Variants in TRAK1 observed in about 807,000 individuals in gnomAD.
TRAK1 encodes trafficking kinesin-binding protein 1.
Under a neutral mutation model 92.1 loss-of-function variants are expected in TRAK1, and 33 were observed. That is an observed-to-expected ratio of 0.36 (90% CI 0.27 to 0.48). The LOEUF is 0.48. TRAK1 is among the 20% of genes least tolerant of loss of function. The pLI is 0.99. For synonymous variants in TRAK1, 521 were observed against 517.3 expected (o/e 1.01, Z -0.10); for missense variants, 1,123 against 1,257.9 (o/e 0.89, Z 1.62).
chr3:42,080,886 T>C (rs576682758), intron 1 of TRAK1, among the ~76,000 whole-genome samples: 1 of 152,290 alleles, frequency 6.6e-6, no homozygotes, highest in Admixed American at 6.5e-5. Flanking sequence ...AACTACTCTT[T>C]TTTTTTGAGA....
intron 1 of TRAK1, among the ~76,000 whole-genome samples, chr3:42,093,633 C>G (rs1001066738): frequency 7.9e-6 from 1 of 127,148 alleles, no homozygotes; most frequent in Non-Finnish European, 1.7e-5. Context: ...CCTCTCTTCT[C>G]TCTTCTCTTT....
At chr3:42,147,187 A>G (rs534845081) in intron 2 of TRAK1, among the ~76,000 whole-genome samples, 132 of 152,320 alleles carry the variant, frequency 8.7e-4, no homozygotes, top group Middle Eastern at 6.8e-3. Context: ...AGGGGCAGTT[A>G]TAAGAAAGGA....
intron 1 of TRAK1, among the ~76,000 whole-genome samples, chr3:42,024,952 C>G (rs1480789169): frequency 6.6e-6 from 1 of 152,186 alleles, no homozygotes; most frequent in Admixed American, 6.5e-5. Context: ...ACGTGAGTCT[C>G]CTCTTGTCAC....
intron 3 of TRAK1, among the ~76,000 whole-genome samples, chr3:42,177,310 G>A (rs1307224291): frequency 6.6e-6 from 1 of 152,200 alleles, no homozygotes; most frequent in Non-Finnish European, 1.5e-5. Flanking sequence ...AGTAAAATAA[G>A]CATGGCAAGA....
At chr3:42,082,530 G>C (rs1704486668), upstream of TRAK1, among the ~76,000 whole-genome samples, 1 of 152,054 alleles carries the variant, frequency 6.6e-6, no homozygotes, top group African/African-American at 2.4e-5. Flanking sequence ...AGGAGGCCAA[G>C]GCTTCAGTGA....
Position 42,172,515 on chromosome 3 carries a change from C to G in TRAK1, c.287-4299C>G, listed in dbSNP as rs1702696210. Among the ~76,000 whole-genome samples the G allele has an allele frequency of 2.6e-5, 4 of 152,326 alleles. No individual in the cohort carries two copies. The South Asian group carries it at 8.3e-4, about 32-fold the overall frequency. On this transcript the variant is annotated intron_variant, in intron 2 of 15. Coordinates refer to ENST00000327628, the MANE Select transcript of TRAK1 (RefSeq NM_001042646.3). ...TCTAAATTGCCTTGCACCCCCTCCC[C>G]CATTGCTGCACACTGGAGCCAAAAT...
At chr3:42,168,028 A>G (rs1434738427) in intron 2 of TRAK1, among the ~76,000 whole-genome samples, 1 of 152,274 alleles carries the variant, frequency 6.6e-6, no homozygotes, top group East Asian at 1.9e-4. Flanking sequence ...GGAGGTGGCT[A>G]TAACTTGGGA....
intron 2 of TRAK1, among the ~76,000 whole-genome samples, chr3:42,163,845 C>T (rs1701562707): frequency 6.6e-6 from 1 of 152,224 alleles, no homozygotes; most frequent in Non-Finnish European, 1.5e-5. Flanking sequence ...AGTTTTCCCT[C>T]ATACTCCAAG....
chr3:42,193,795 G>C (rs1266678069), intron 8 of TRAK1, 29 bp from the exon 9 acceptor site: 2 of 1,241,784 alleles, frequency 1.6e-6, no homozygotes, highest in Non-Finnish European at 2.3e-6. Flanking sequence ...AAGTATCTTA[G>C]GAAGTGATCT....
At chr3:42,119,580 G>A (rs11706587) in intron 1 of TRAK1, among the ~76,000 whole-genome samples, 11,363 of 152,226 alleles carry the variant, frequency 0.075, 467 homozygotes, top group Middle Eastern at 0.15. Context: ...GGTCCAGGGT[G>A]TTTCAGGCAG....
At chr3:42,027,797 T>C (rs1701975791) in intron 1 of TRAK1, among the ~76,000 whole-genome samples, 1 of 152,170 alleles carries the variant, frequency 6.6e-6, no homozygotes, top group African/African-American at 2.4e-5. Context: ...TTCTCTAATT[T>C]TATCTGAAGG....
chr3:42,223,068 G>A lies in TRAK1; in HGVS notation c.2193G>A (p.Thr731=), dbSNP rs759135310. The A allele has an allele frequency of 2.5e-6, 4 of 1,613,858 alleles. No individual in the cohort carries two copies. The highest frequency in any genetic ancestry group is 3.3e-5 in the Admixed American group (2 of 60,000). The part of the protein sequence containing the change: ...AESFTNTRES[T]TTMSTSLGLV... ...CCTTCACTAACACCCGTGAGTCCAC[G>A]ACCACCATGAGCACATCCCTGGGGC... is the stretch of plus-strand genomic sequence containing the variant. The change falls in exon 16 of 16, where the codon ACG becomes ACA. Residue 731 remains threonine (T), a synonymous_variant. Transcript: ENST00000327628. The surrounding 1 kb of genome is among the most constrained non-coding windows in gnomAD (Gnocchi z 6.1).
intron 1 of TRAK1, among the ~76,000 whole-genome samples, chr3:42,112,743 A>C (rs1171218101): frequency 1.6e-5 from 2 of 125,914 alleles, no homozygotes; most frequent in African/African-American, 5.3e-5. Flanking sequence ...CTCAAAAAAA[A>C]AAAAAAAAAA....
chr3:42,199,036 G>A (rs1374624379), intron 10 of TRAK1, 141 bp from the exon 11 acceptor site: 19 of 798,696 alleles, frequency 2.4e-5, no homozygotes, highest in Non-Finnish European at 3.9e-5. Context: ...AGAGAGTGCT[G>A]TTAAGTTTGT....
intron 1 of TRAK1, among the ~76,000 whole-genome samples, chr3:42,081,599 G>T (rs577330205): frequency 1.4e-3 from 206 of 152,294 alleles, no homozygotes; most frequent in African/African-American, 4.7e-3. Flanking sequence ...CTGAGATAGA[G>T]AGGCATTCCC....
rs376836539 is a variant in TRAK1, at chr3:42,223,380, C to T, written c.2505C>T (p.Asp835=). The T allele has an allele frequency of 2.0e-5, 33 of 1,614,104 alleles. No homozygotes were observed. The highest frequency in any genetic ancestry group is 8.8e-5 in the South Asian group (8 of 91,094). ...TCCGCAGCAGCGAGAGCCAGACCGA[C>T]GTGTCCGTCTCCAACCTCAACCTCG... is the stretch of plus-strand genomic sequence containing the variant. ...KNVRSSESQT[D]VSVSNLNLVD... is the part of the protein sequence containing the mutation. Residue 835 remains aspartate (D), a synonymous_variant, in exon 16 of 16, where the codon GAC becomes GAT. Transcript: ENST00000327628. This position sits in a 1 kb window ranked among gnomAD's most constrained non-coding sequence, Gnocchi z 6.1.
chr3:42,162,145 C>A (rs1701343008), intron 2 of TRAK1, among the ~76,000 whole-genome samples: 1 of 152,088 alleles, frequency 6.6e-6, no homozygotes, highest in Non-Finnish European at 1.5e-5. Flanking sequence ...TTTAAAAATA[C>A]CAGTCATTGA....
chr3:42,083,166 C>T (rs749442402), upstream of TRAK1, among the ~76,000 whole-genome samples: 9 of 152,106 alleles, frequency 5.9e-5, no homozygotes, highest in East Asian at 3.9e-4. Flanking sequence ...ACTTGAGCAT[C>T]GTTATATTTT....
At chr3:42,197,756 T>C (rs1432635015) in intron 10 of TRAK1, among the ~76,000 whole-genome samples, 1 of 152,216 alleles carries the variant, frequency 6.6e-6, no homozygotes, top group African/African-American at 2.4e-5. Context: ...TAGCCCTTTA[T>C]TCATCTCACT....
Sources: allele counts gnomAD v4.1 joint callset (sites outside exome capture counted in the v4.1 genomes callset), GRCh38; gene constraint gnomAD v4.1.1; non-coding constraint Gnocchi (gnomAD v3.1); transcripts MANE v1.5; gene names NCBI Gene and HGNC (gene_info 2026-07-23, HGNC 2026-07-21).